The following VEGFA variants were observed in gnomAD, a reference collection of about 807,000 sequenced individuals.
The protein encoded by VEGFA is vascular endothelial growth factor A, long form.
Under a neutral mutation model 49.7 loss-of-function variants are expected in VEGFA, and 20 were observed. The observed-to-expected ratio is 0.40, with a 90% CI of 0.28 to 0.58. The LOEUF (loss-of-function observed/expected upper bound fraction) is 0.58. Ranked by LOEUF, VEGFA falls within the 20% of genes least tolerant of loss-of-function variation. The pLI, the probability that VEGFA is intolerant of heterozygous loss-of-function variation, is 0.40. For missense variants in VEGFA, 505 were observed against 553.5 expected, an observed-to-expected ratio of 0.91 and a Z score of 0.88; for synonymous variants, 219 against 223.4, an observed-to-expected ratio of 0.98 and a Z score of 0.18.
At chr6:43,778,296 C>T in intron 3 of VEGFA, 164 bp from the exon 4 acceptor site, 2 of 705,508 alleles carry the variant, frequency 2.8e-6, no homozygotes, top group Non-Finnish European at 5.2e-6. Flanking sequence ...TTGGGGTGGG[C>T]CTGAGCCTCT....
Position 43,778,550 on chromosome 6 carries a change from C to A in VEGFA, c.932+14C>A. 6.2e-7 allele frequency: 1 copy of A among 1,612,638 alleles called. No individual in the cohort carries two copies. The highest frequency in any genetic ancestry group is 8.5e-7 in the Non-Finnish European group (1 of 1,178,650). ...ATGTGAATGCAGGTGAGGATGTAGTCACGGATTCATTATCAGCAAGTGGCT... is the reference window on the plus strand; with the variant it reads ...ATGTGAATGCAGGTGAGGATGTAGTAACGGATTCATTATCAGCAAGTGGCT... On this transcript the variant is annotated intron_variant, in intron 4 of 7. Transcript: ENST00000672860.
rs1376489215 is a variant in VEGFA at position 43,782,174 on chromosome 6, G to A, written c.1166+87G>A. On this transcript the variant is annotated intron_variant, in intron 7 of 7. Coordinates refer to ENST00000672860, the MANE Select transcript of VEGFA (RefSeq NM_003376.6). ...AGAGAAAGAGAGTGAGCGAGCGAGCGAGCGGGAGAGCGCCTGAGAGGGGCC... is the reference window on the plus strand; with the variant it reads ...AGAGAAAGAGAGTGAGCGAGCGAGCAAGCGGGAGAGCGCCTGAGAGGGGCC... 8.3e-6 allele frequency: 13 copies of A among 1,560,596 alleles called. No homozygotes were observed. The South Asian group carries it at 1.4e-4, about 16-fold the overall frequency.
chr6:43,777,704 GA>G lies in VEGFA; in HGVS notation c.855+40del. 1 of 630,348 alleles carries G rather than the reference GA, an allele frequency of 1.6e-6. No individual in the cohort carries two copies. The highest frequency in any genetic ancestry group is 2.9e-6 in the Non-Finnish European group (1 of 343,822). The allele number at this position is 630,348 out of a possible 1,614,324, so 39.0% of individuals were successfully genotyped here. On this transcript the variant is annotated intron_variant, in intron 3 of 7. Coordinates refer to ENST00000672860, the MANE Select transcript of VEGFA (RefSeq NM_003376.6). The surrounding 1 kb of genome is among the most constrained non-coding windows in gnomAD (Gnocchi z 4.3). ...GGAAGTGGGGCAAGGGGGGGATAGG[GA>G]GGGGGGTAACACTTTGGGAACAGGT... is the stretch of plus-strand genomic sequence containing the variant.
chr6:43,777,674 C>G lies in VEGFA; in HGVS notation c.855+9C>G, dbSNP rs2128029013. On this transcript the variant is annotated intron_variant, in intron 3 of 7. Transcript: ENST00000672860. The surrounding 1 kb of genome is among the most constrained non-coding windows in gnomAD (Gnocchi z 4.3). ...CCAACATCACCATGCAGGTGGGCAT[C>G]TTTGGGAAGTGGGGCAAGGGGGGGA... The G allele has an allele frequency of 1.3e-6, 2 of 1,569,950 alleles. No homozygotes were observed. Among genetic ancestry groups the G allele is most frequent in the South Asian group, 1.2e-5 (1 of 85,654 alleles).
At chr6:43,780,692 G>A (rs762769691) in intron 5 of VEGFA, 40 bp from the exon 6 acceptor site, 58 of 995,426 alleles carry the variant, frequency 5.8e-5, no homozygotes, top group East Asian at 1.1e-4. Context: ...TCCCCCCACC[G>A]CCCCCGCTCT....
In VEGFA at chr6:43,785,627, CCACTAGTT is replaced by C. The variant is rs967528845; in HGVS notation, c.*1067_*1074del. The C allele has an allele frequency of 9.8e-6, 2 of 203,514 alleles. No individual in the cohort carries two copies. The highest frequency in any genetic ancestry group is 4.6e-5 in the African/African-American group (2 of 43,564). 12.6% of individuals were successfully genotyped at this position (203,514 alleles called of 1,614,324 possible). A position where few individuals can be genotyped will look rare whatever the true frequency, so the allele number is the denominator to read the frequency against. On this transcript the variant is annotated 3_prime_UTR_variant, in exon 8 of 8. Coordinates refer to ENST00000672860, the MANE Select transcript of VEGFA (RefSeq NM_003376.6). ...GACCTATGTCCTCACACCATTGAAA[CCACTAGTT>C]CTGTCCCCCCAGGAGACCTGGTTGT...
At position 43,777,710 on chromosome 6, in the gene VEGFA, G is replaced by C; in HGVS notation, c.855+45G>C. The C allele has an allele frequency of 1.5e-6, 1 of 672,394 alleles. No individual in the cohort carries two copies. The highest frequency in any genetic ancestry group is 2.6e-6 in the Non-Finnish European group (1 of 387,870). 41.7% of individuals were successfully genotyped at this position (672,394 alleles called of 1,614,324 possible). A position where few individuals can be genotyped will look rare whatever the true frequency, so the allele number is the denominator to read the frequency against. On this transcript the variant is annotated intron_variant, in intron 3 of 7. Coordinates refer to ENST00000672860, the MANE Select transcript of VEGFA (RefSeq NM_003376.6). The surrounding 1 kb of genome is among the most constrained non-coding windows in gnomAD (Gnocchi z 4.3). Reference sequence around the variant, plus strand: ...GGGGCAAGGGGGGGATAGGGAGGGGGGTAACACTTTGGGAACAGGTGGTCC... The same window carrying C: ...GGGGCAAGGGGGGGATAGGGAGGGGCGTAACACTTTGGGAACAGGTGGTCC...
chr6:43,778,398 G>A, intron 3 of VEGFA, 62 bp from the exon 4 acceptor site: 1 of 1,476,528 alleles, frequency 6.8e-7, no homozygotes, highest in African/African-American at 1.4e-5. Flanking sequence ...CCCCAGGGTT[G>A]TCCCATCTGG....
rs1292095721 is a variant in VEGFA, at chr6:43,770,499, T to A, written c.-208T>A. ...AGATTGCTCTACTTCCCCAAATCAC[T>A]GTGGATTTTGGAAACCAGCAGAAAG... is the stretch of plus-strand genomic sequence containing the variant. On this transcript the variant is annotated 5_prime_UTR_variant, in exon 1 of 8. Transcript: ENST00000672860. The A allele has an allele frequency of 8.6e-7, 1 of 1,163,188 alleles. No individual in the cohort carries two copies. The highest frequency in any genetic ancestry group is 1.1e-6 in the Non-Finnish European group (1 of 908,166). The allele number at this position is 1,163,188 out of a possible 1,614,324, so 72.1% of individuals were successfully genotyped here.
intron 2 of VEGFA, chr6:43,774,774 C>G (rs1401407721): frequency 1.1e-5 from 4 of 359,304 alleles, no homozygotes; most frequent in Non-Finnish European, 2.1e-5. Context: ...AGACATGTCC[C>G]ATTTGTGGGA....
Position 43,770,287 on chromosome 6 carries a change from AG to A in VEGFA, c.-419del, listed in dbSNP as rs1424093548. On this transcript the variant is annotated 5_prime_UTR_variant, in exon 1 of 8. Transcript: ENST00000672860. The stretch of plus-strand genomic sequence containing the variant: ...GCACCAGCGCTCTGTCGGGAGGCGC[AG>A]CGGTTAGGTGGACCGGTCAGCGGAC... 232 of 257,574 alleles carry A rather than the reference AG, an allele frequency of 9.0e-4. 4 individuals carry two copies. In the East Asian group the frequency reaches 0.013, roughly 14 times the overall value. 16.0% of individuals were successfully genotyped at this position (257,574 alleles called of 1,614,324 possible).
rs751369269 is a variant in VEGFA at position 43,780,693 on chromosome 6, C to T, written c.963-39C>T. On this transcript the variant is annotated intron_variant, in intron 5 of 7. Transcript: ENST00000672860. Reference sequence around the variant, plus strand: ...ACCACTTCTTTTACTCCCCCCACCGCCCCCGCTCTCTCTCTGTCTCTGTTT... The same window carrying T: ...ACCACTTCTTTTACTCCCCCCACCGTCCCCGCTCTCTCTCTGTCTCTGTTT... The T allele has an allele frequency of 4.1e-5, 66 of 1,605,878 alleles. No individual in the cohort carries two copies. The East Asian group carries it at 1.3e-3, about 31-fold the overall frequency.
At chr6:43,775,181 C>T (rs1269638534) in intron 2 of VEGFA, 1 of 152,710 alleles carries the variant, frequency 6.5e-6, no homozygotes, top group Non-Finnish European at 1.5e-5. Context: ...CCAGCCTGTT[C>T]TGCCTCCTCC....
chr6:43,781,944 G>A lies in VEGFA; in HGVS notation c.1035-12G>A, dbSNP rs755211460. 8 of 1,613,488 alleles carry A rather than the reference G, an allele frequency of 5.0e-6. No homozygotes were observed. In the South Asian group the frequency reaches 8.8e-5, roughly 18 times the overall value. ...CTCTAGCTTAGATGTCTTTCCTTTT[G>A]CCTTTTTGCAGTCCCTGTGGGCCTT... is the stretch of plus-strand genomic sequence containing the variant. On this transcript the variant is annotated splice_polypyrimidine_tract_variant and intron_variant, in intron 6 of 7. Transcript: ENST00000672860.
chr6:43,771,802 A>G (rs1763669934), intron 1 of VEGFA, among the ~76,000 whole-genome samples: 3 of 152,064 alleles, frequency 2.0e-5, no homozygotes, highest in African/African-American at 7.2e-5. Flanking sequence ...TGTCACTGCC[A>G]CTCGGTCTCT....
chr6:43,785,829 GTTAAT>G lies in VEGFA; in HGVS notation c.*1274_*1278del, dbSNP rs1445303928. 1.1e-5 allele frequency: 2 copies of G among 187,086 alleles called. No individual in the cohort carries two copies. The highest frequency in any genetic ancestry group is 2.3e-5 in the African/African-American group (1 of 42,664). 11.6% of individuals were successfully genotyped at this position (187,086 alleles called of 1,614,324 possible). ...CCCTTTTTAATTAGAAATTAAAACA[GTTAAT>G]TTAATTAAAGAGTAGGGTTTTTTTT... On this transcript the variant is annotated 3_prime_UTR_variant, in exon 8 of 8. Coordinates refer to ENST00000672860, the MANE Select transcript of VEGFA (RefSeq NM_003376.6).
intron 1 of VEGFA, chr6:43,771,975 C>A: frequency 1.3e-5 from 13 of 982,814 alleles, no homozygotes; most frequent in Non-Finnish European, 1.6e-5. Context: ...GGCGCGGAGC[C>A]GATTACATCA....
At chr6:43,780,549 A>G in intron 5 of VEGFA, 183 bp from the exon 6 acceptor site, 1 of 769,480 alleles carries the variant, frequency 1.3e-6, no homozygotes, top group Non-Finnish European at 2.1e-6. Context: ...CTTGCTGCCC[A>G]GACACGCCTG....
chr6:43,771,365 GC>G, intron 1 of VEGFA, 53 bp downstream of exon 1: 1 of 1,573,186 alleles, frequency 6.4e-7, no homozygotes, highest in East Asian at 2.4e-5. Context: ...GCCTCTCCCG[GC>G]TGGGGACGTG....
Sources: allele counts gnomAD v4.1 joint callset (sites outside exome capture counted in the v4.1 genomes callset), GRCh38; gene constraint gnomAD v4.1.1; non-coding constraint Gnocchi (gnomAD v3.1); transcripts MANE v1.5; gene names NCBI Gene and HGNC (gene_info 2026-07-23, HGNC 2026-07-21).